SOBP: variants seen among roughly 807,000 people sequenced by gnomAD.
SOBP encodes the protein sine oculis-binding protein homolog.
In SOBP, 4 loss-of-function variants were observed where a neutral mutation model predicts 53.6. The observed-to-expected ratio is 0.07, with a 90% CI of 0.04 to 0.17. SOBP has a LOEUF of 0.17. SOBP is among the 10% of genes least tolerant of loss of function. The probability of loss-of-function intolerance (pLI) is 1.00; values close to 1 mark genes in which losing one functional copy is unlikely to be tolerated. For synonymous variants in SOBP, 584 were observed against 522.6 expected, an observed-to-expected ratio of 1.12 and a Z score of -1.60; for missense variants, 1,088 against 1,204.7, an observed-to-expected ratio of 0.90 and a Z score of 1.43.
At chr6:107,616,583 G>A (rs112861373) in intron 5 of SOBP, among the ~76,000 whole-genome samples, 51 of 152,264 alleles carry the variant, frequency 3.3e-4, no homozygotes, top group African/African-American at 1.2e-3. Flanking sequence ...AAGTTAAATG[G>A]TGTTTTGCTC....
At position 107,635,492 on chromosome 6, in the gene SOBP, C is replaced by T. The variant is rs781025905; in HGVS notation, c.*3+23C>T. 49 of 1,610,998 alleles carry T rather than the reference C, an allele frequency of 3.0e-5. No homozygotes were observed. The South Asian group carries it at 4.0e-4, about 13-fold the overall frequency. On this transcript the variant is annotated intron_variant, in intron 6 of 6. Transcript: ENST00000317357. The surrounding 1 kb of genome is among the most constrained non-coding windows in gnomAD (Gnocchi z 4.5). ...AAGGTTTGTATGTCCGCCGGGCGCT[C>T]CTCCACACCAGCCAGTGCACCTCTC...
At chr6:107,579,932 G>T (rs1289166220) in intron 4 of SOBP, among the ~76,000 whole-genome samples, 1 of 152,216 alleles carries the variant, frequency 6.6e-6, no homozygotes, top group East Asian at 1.9e-4. Context: ...CAGTTAGCCA[G>T]TTAAGGAGGA....
At chr6:107,555,936 G>C (rs1021552113) in intron 4 of SOBP, among the ~76,000 whole-genome samples, 4 of 152,164 alleles carry the variant, frequency 2.6e-5, no homozygotes, top group Non-Finnish European at 5.9e-5. Context: ...AACTAGGCAG[G>C]ATCAAATTTA....
chr6:107,547,898 TC>T (rs1784347707), intron 4 of SOBP, among the ~76,000 whole-genome samples: 1 of 152,122 alleles, frequency 6.6e-6, no homozygotes, highest in African/African-American at 2.4e-5. Context: ...GAAAACATTT[TC>T]CCCCTTCTAT....
At chr6:107,600,739 T>C (rs1253855990) in intron 5 of SOBP, among the ~76,000 whole-genome samples, 2 of 152,158 alleles carry the variant, frequency 1.3e-5, no homozygotes, top group African/African-American at 4.8e-5. Context: ...TTCCATAAAT[T>C]AGAGAACTTT....
chr6:107,584,762 T>C (rs1292080356), intron 4 of SOBP, among the ~76,000 whole-genome samples: 1 of 151,630 alleles, frequency 6.6e-6, no homozygotes, highest in Non-Finnish European at 1.5e-5. Flanking sequence ...GTAGCCCCTT[T>C]GAGGAAGCAT....
Position 107,633,838 on chromosome 6 carries a change from G to T in SOBP, c.994G>T (p.Val332Phe). 1 of 1,614,020 alleles carries T rather than the reference G, an allele frequency of 6.2e-7. No individual in the cohort carries two copies. ...CCCTGGCCCGTCGGCGTCCACCACC[G>T]TCTCTCCATCTGACACTGCCAACTG... ...QGPGPSASTT[V>F]SPSDTANCSV... Residue 332 changes from valine (V) to phenylalanine (F), a missense_variant, in exon 6 of 7, where the codon GTC (valine) becomes TTC (phenylalanine). By Grantham distance (50) the Val-to-Phe change is conservative. Transcript: ENST00000317357.
intron 4 of SOBP, among the ~76,000 whole-genome samples, chr6:107,550,135 G>C (rs947583253): frequency 6.6e-6 from 1 of 152,222 alleles, no homozygotes; most frequent in African/African-American, 2.4e-5. Flanking sequence ...GCTGCTAACA[G>C]GAACAGTTGA....
chr6:107,505,385 C>T (rs919431065), intron 2 of SOBP, among the ~76,000 whole-genome samples: 3 of 149,780 alleles, frequency 2.0e-5, no homozygotes, highest in Non-Finnish European at 3.0e-5. Flanking sequence ...TGCAGTGGCG[C>T]GATCTCAGTT....
At chr6:107,505,183 A>T (rs1299263244) in intron 2 of SOBP, among the ~76,000 whole-genome samples, 1 of 152,198 alleles carries the variant, frequency 6.6e-6, no homozygotes, top group African/African-American at 2.4e-5. Context: ...ATATTATGAT[A>T]CAAGTTTATA....
chr6:107,521,628 G>A lies in SOBP; in HGVS notation c.422-11831G>A, dbSNP rs965703550. ...GCTGGTGAACATTTGGGTTGTTCCCGATTTTTAGCTATTATGAATAAATGC... is the reference window on the plus strand; with the variant it reads ...GCTGGTGAACATTTGGGTTGTTCCCAATTTTTAGCTATTATGAATAAATGC... On this transcript the variant is annotated intron_variant, in intron 3 of 6. Transcript: ENST00000317357. 8.5e-5 allele frequency among the ~76,000 whole-genome samples: 13 copies of A among 152,208 alleles called. No homozygotes were observed. In the East Asian group the frequency reaches 9.7e-4, roughly 11 times the overall value.
intron 4 of SOBP, among the ~76,000 whole-genome samples, chr6:107,559,746 T>C (rs980519562): frequency 6.6e-6 from 1 of 152,220 alleles, no homozygotes; most frequent in Non-Finnish European, 1.5e-5. Flanking sequence ...TTTTGTGTTG[T>C]GTGAGAGAAT....
At chr6:107,624,704 C>G (rs1457537074) in intron 5 of SOBP, among the ~76,000 whole-genome samples, 1 of 152,200 alleles carries the variant, frequency 6.6e-6, no homozygotes, top group East Asian at 1.9e-4. Context: ...GTATGAATCA[C>G]TCTTTTGGCT....
intron 5 of SOBP, among the ~76,000 whole-genome samples, chr6:107,620,031 C>T (rs1786946811): frequency 6.6e-6 from 1 of 152,190 alleles, no homozygotes; most frequent in Non-Finnish European, 1.5e-5. Context: ...GTTATGGAAG[C>T]TTGCCATAAA....
intron 6 of SOBP, among the ~76,000 whole-genome samples, chr6:107,649,546 A>AG (rs764405018): frequency 3.0e-4 from 46 of 152,288 alleles, no homozygotes; most frequent in Non-Finnish European, 5.0e-4. Flanking sequence ...TCTGAAAGCC[A>AG]GGGCATAGGA....
chr6:107,521,777 G>C (rs1045080476), intron 3 of SOBP, among the ~76,000 whole-genome samples: 1 of 152,048 alleles, frequency 6.6e-6, no homozygotes, highest in Non-Finnish European at 1.5e-5. Flanking sequence ...CAACACCCAA[G>C]GTGCACCTAG....
intron 3 of SOBP, chr6:107,515,048 A>T (rs1376253320): frequency 6.6e-6 from 1 of 152,234 alleles, no homozygotes; most frequent in Non-Finnish European, 1.5e-5. Flanking sequence ...GTGAGTAAAT[A>T]AAAAGGTTCA....
chr6:107,527,733 A>G (rs1330783848), intron 3 of SOBP, among the ~76,000 whole-genome samples: 1 of 152,202 alleles, frequency 6.6e-6, no homozygotes, highest in Non-Finnish European at 1.5e-5. Context: ...GCTTCACCAC[A>G]CTGTCTTTCA....
chr6:107,657,445 G>C (rs1772116080), intron 6 of SOBP, among the ~76,000 whole-genome samples: 1 of 152,164 alleles, frequency 6.6e-6, no homozygotes, highest in African/African-American at 2.4e-5. Flanking sequence ...CCTTTTACAG[G>C]CAAGACCCAC....
Sources: allele counts gnomAD v4.1 joint callset (sites outside exome capture counted in the v4.1 genomes callset), GRCh38; gene constraint gnomAD v4.1.1; non-coding constraint Gnocchi (gnomAD v3.1); transcripts MANE v1.5; gene names NCBI Gene and HGNC (gene_info 2026-07-23, HGNC 2026-07-21).